The following MMP26 variants were observed in gnomAD, a reference collection of about 807,000 sequenced individuals.
The protein encoded by MMP26 is matrix metalloproteinase-26.
A neutral mutation model predicts 31.0 loss-of-function variants in MMP26; 33 were observed. The observed-to-expected ratio is 1.06, with a 90% confidence interval of 0.81 to 1.42. The LOEUF (loss-of-function observed/expected upper bound fraction) is 1.42, where lower values mean the gene tolerates loss of function less well. Among genes scored for constraint, MMP26 ranks in the 40% most tolerant of loss-of-function variants. The pLI, the probability that MMP26 is intolerant of heterozygous loss-of-function variation, is 0.00. For synonymous variants in MMP26, 122 were observed against 114.9 expected, an observed-to-expected ratio of 1.06 and a Z score of -0.40; for missense variants, 347 against 316.1, an observed-to-expected ratio of 1.10 and a Z score of -0.74.
chr11:4,708,244 C>A (rs1345316977), intron 1 of MMP26, among the ~76,000 whole-genome samples: 1 of 152,148 alleles, frequency 6.6e-6, no homozygotes, highest in Admixed American at 6.5e-5. Flanking sequence ...TCTTGCATTG[C>A]CTCTCAATTC....
chr11:4,768,511 A>G (rs1848660562), intron 2 of MMP26, among the ~76,000 whole-genome samples: 1 of 152,330 alleles, frequency 6.6e-6, no homozygotes, highest in Admixed American at 6.5e-5. Context: ...TACAGTGATG[A>G]AGAGCATAGC....
At chr11:4,946,320 C>A (rs763198309) in intron 2 of MMP26, 1 of 1,613,838 alleles carries the variant, frequency 6.2e-7, no homozygotes, top group East Asian at 2.2e-5. Context: ...CGGTGGACAA[C>A]GGCCAGGTTG....
intron 1 of MMP26, among the ~76,000 whole-genome samples, chr11:4,757,127 G>A (rs180692793): frequency 6.6e-6 from 1 of 152,046 alleles, no homozygotes; most frequent in African/African-American, 2.4e-5. Flanking sequence ...CATGAGGACA[G>A]TCATACAGAT....
intron 2 of MMP26, among the ~76,000 whole-genome samples, chr11:4,770,527 A>G (rs1564905782): frequency 6.6e-6 from 1 of 152,182 alleles, no homozygotes; most frequent in Non-Finnish European, 1.5e-5. Context: ...CTAAAGCAAG[A>G]TGAGACTGGT....
intron 2 of MMP26, chr11:4,793,667 C>T (rs1486781830): frequency 6.6e-6 from 1 of 152,114 alleles, no homozygotes; most frequent in African/African-American, 2.4e-5. Context: ...ATGAAATTTT[C>T]CTTAAATAAA....
chr11:4,914,488 A>G, intron 2 of MMP26: 1 of 493,390 alleles, frequency 2.0e-6, no homozygotes, highest in Non-Finnish European at 3.6e-6. Flanking sequence ...GTGGGTTTAG[A>G]ATTATTGCTG....
At chr11:4,812,279 A>C (rs1457506817) in intron 2 of MMP26, among the ~76,000 whole-genome samples, 1 of 152,180 alleles carries the variant, frequency 6.6e-6, no homozygotes. Flanking sequence ...GTAGTATATA[A>C]TATGTAACAT....
intron 2 of MMP26, among the ~76,000 whole-genome samples, chr11:4,782,790 T>A (rs1848881884): frequency 6.6e-6 from 1 of 152,190 alleles, no homozygotes; most frequent in Non-Finnish European, 1.5e-5. Flanking sequence ...GCATCCCAGC[T>A]GCTCCAGACA....
chr11:4,844,436 T>G (rs990291556), intron 2 of MMP26, among the ~76,000 whole-genome samples: 1 of 152,108 alleles, frequency 6.6e-6, no homozygotes. Context: ...ATTACCATGA[T>G]ACTAAAACCA....
At chr11:4,727,257 T>G (rs1004277301) in intron 1 of MMP26, among the ~76,000 whole-genome samples, 4 of 152,162 alleles carry the variant, frequency 2.6e-5, no homozygotes, top group Admixed American at 2.6e-4. Context: ...GTTCATCAAC[T>G]TTAGTTACGT....
intron 1 of MMP26, chr11:4,723,438 G>A: frequency 9.7e-7 from 1 of 1,031,068 alleles, no homozygotes; most frequent in Admixed American, 1.7e-5. Context: ...AGCGGCTGCT[G>A]TCCATGGACA....
intron 2 of MMP26, chr11:4,859,776 C>T (rs772040440): frequency 6.4e-6 from 3 of 471,356 alleles, no homozygotes; most frequent in South Asian, 4.6e-5. Context: ...ATCTGTGGAT[C>T]ATGGAGGCAG....
intron 1 of MMP26, among the ~76,000 whole-genome samples, chr11:4,750,265 A>G (rs1848431548): frequency 6.6e-6 from 1 of 152,086 alleles, no homozygotes; most frequent in South Asian, 2.1e-4. Context: ...AAATGTCAAA[A>G]AATAACAGAT....
intron 2 of MMP26, among the ~76,000 whole-genome samples, chr11:4,906,379 A>G (rs1189009847): frequency 6.6e-6 from 1 of 152,228 alleles, no homozygotes; most frequent in African/African-American, 2.4e-5. Context: ...CATTTTACAG[A>G]TTTAAAATAA....
At chr11:4,722,659 C>G in intron 1 of MMP26, 1 of 685,308 alleles carries the variant, frequency 1.5e-6, no homozygotes, top group Non-Finnish European at 2.6e-6. Context: ...CCCTGTGCTA[C>G]CCTGCACAGT....
intron 2 of MMP26, among the ~76,000 whole-genome samples, chr11:4,917,310 G>A (rs1045566116): frequency 6.6e-6 from 1 of 152,088 alleles, no homozygotes; most frequent in African/African-American, 2.4e-5. Context: ...TCTAAGATCA[G>A]ACAAATAGTA....
Position 4,907,116 on chromosome 11 carries a change from T to A in MMP26, c.-144-80952T>A, listed in dbSNP as rs1366348337. 9.2e-3 allele frequency among the ~76,000 whole-genome samples: 293 copies of A among 31,766 alleles called. 1 individual carries two copies. Among genetic ancestry groups the A allele is most frequent in the Non-Finnish European group, 0.013 (167 of 12,656 alleles). 20.8% of individuals were successfully genotyped at this position (31,766 alleles called of 152,430 possible). A position where few individuals can be genotyped will look rare whatever the true frequency, so the allele number is the denominator to read the frequency against. ...CCTCTAAAAAAAAAAAAAAAAAAAA[T>A]CCTAAAAATCCTAAAAAGTCACCAA... On this transcript the variant is annotated intron_variant, in intron 2 of 7. Transcript: ENST00000380390.
chr11:4,974,218 C>T (rs16907831), intron 2 of MMP26, among the ~76,000 whole-genome samples: 7,038 of 151,806 alleles, frequency 0.046, 598 homozygotes, highest in African/African-American at 0.16. Context: ...AGACTTGAAA[C>T]TTTTGCTTTT....
At chr11:4,978,204 C>CT (rs1846765546) in intron 2 of MMP26, among the ~76,000 whole-genome samples, 1 of 152,080 alleles carries the variant, frequency 6.6e-6, no homozygotes. Flanking sequence ...AATTAAACCT[C>CT]TTTCGTTTAT....
Sources: allele counts gnomAD v4.1 joint callset (sites outside exome capture counted in the v4.1 genomes callset), GRCh38; gene constraint gnomAD v4.1.1; transcripts MANE v1.5; gene names NCBI Gene and HGNC (gene_info 2026-07-23, HGNC 2026-07-21).